The following SLC7A11 variants were observed in gnomAD, a reference collection of about 807,000 sequenced individuals.
The protein encoded by SLC7A11 is cystine/glutamate transporter.
Under a neutral mutation model 54.5 loss-of-function variants are expected in SLC7A11, and 35 were observed. The observed-to-expected ratio is 0.64, with a 90% CI of 0.49 to 0.85. SLC7A11 has a LOEUF of 0.85. Among genes scored for constraint, SLC7A11 ranks in the 40% least tolerant of loss-of-function variants. The pLI, the probability that SLC7A11 is intolerant of heterozygous loss-of-function variation, is 0.00. For missense variants in SLC7A11, 583 were observed against 618.1 expected (o/e 0.94, Z 0.60); for synonymous variants, 230 against 225.2 (o/e 1.02, Z -0.19).
intron 5 of SLC7A11, among the ~76,000 whole-genome samples, chr4:138,216,214 A>G (rs1354529247): frequency 6.6e-6 from 1 of 152,206 alleles, no homozygotes; most frequent in Non-Finnish European, 1.5e-5. Context: ...AATGCATTCC[A>G]ATACCCAACT....
At position 138,185,255 on chromosome 4, in the gene SLC7A11, C is replaced by T. The variant is rs1736847819; in HGVS notation, c.792-11G>A. 1 of 1,611,704 alleles carries T rather than the reference C, an allele frequency of 6.2e-7. No individual in the cohort carries two copies. The highest frequency in any genetic ancestry group is 1.3e-5 in the African/African-American group (1 of 74,920). On this transcript the variant is annotated splice_polypyrimidine_tract_variant and intron_variant, in intron 6 of 11. Transcript: ENST00000280612. ...GCAAGGGGAATGGTTCTGAAATGCA[C>T]AAAGGAATCACTTATTCATTATCTT...
Position 138,242,001 on chromosome 4 carries a change from C to A in SLC7A11, c.69G>T (p.Arg23Ser). The A allele has an allele frequency of 6.2e-7, 1 of 1,614,200 alleles. No homozygotes were observed. The highest frequency in any genetic ancestry group is 8.5e-7 in the Non-Finnish European group (1 of 1,180,034). ...GGYLQGNVNG[R>S]LPSLGNKEPP... ...GCTCCTTGTTGCCCAGGGAAGGCAGCCTCCCGTTAACATTTCCCTGCAGGT... is the reference window on the plus strand; with the variant it reads ...GCTCCTTGTTGCCCAGGGAAGGCAGACTCCCGTTAACATTTCCCTGCAGGT... The change falls in exon 1 of 12, where the codon AGG becomes AGT. Residue 23 changes from arginine (R) to serine (S), a missense_variant. Physicochemically the swap from Arg to Ser is moderately radical, Grantham distance 110 (BLOSUM62 -1). Transcript: ENST00000280612.
At chr4:138,226,845 G>A (rs1737959905) in intron 3 of SLC7A11, among the ~76,000 whole-genome samples, 1 of 152,138 alleles carries the variant, frequency 6.6e-6, no homozygotes, top group African/African-American at 2.4e-5. Context: ...TTTCACACAT[G>A]AGGAAATAAT....
chr4:138,223,572 A>G (rs1340635930), intron 3 of SLC7A11, among the ~76,000 whole-genome samples: 1 of 152,174 alleles, frequency 6.6e-6, no homozygotes, highest in Non-Finnish European at 1.5e-5. Context: ...CTGGACAATA[A>G]GAATTCTTCT....
At chr4:138,213,350 C>T (rs1340317238) in intron 6 of SLC7A11, among the ~76,000 whole-genome samples, 1 of 151,998 alleles carries the variant, frequency 6.6e-6, no homozygotes, top group Non-Finnish European at 1.5e-5. Flanking sequence ...TGGTACTTGG[C>T]CAGATCTCAT....
intron 3 of SLC7A11, among the ~76,000 whole-genome samples, chr4:138,224,910 T>C (rs1578666423): frequency 6.6e-6 from 1 of 152,014 alleles, no homozygotes; most frequent in East Asian, 1.9e-4. Flanking sequence ...CAGGTGTTTA[T>C]AAGTGATAGA....
Position 138,170,303 on chromosome 4 carries a change from C to CATATATATAT in SLC7A11, c.*1643_*1652dup, listed in dbSNP as rs375433987. ...ACACACACACACACACATACACACA[C>CATATATATAT]ATATATATATATATATAATCTTTTT... On this transcript the variant is annotated 3_prime_UTR_variant, in exon 12 of 12. Transcript: ENST00000280612. 8.3e-6 allele frequency: 1 copy of CATATATATAT among 119,874 alleles called. No homozygotes were observed. Among genetic ancestry groups the CATATATATAT allele is most frequent in the Non-Finnish European group, 1.7e-5 (1 of 59,270 alleles). 7.4% of individuals were successfully genotyped at this position (119,874 alleles called of 1,614,324 possible). A position where few individuals can be genotyped will look rare whatever the true frequency, so the allele number is the denominator to read the frequency against.
At chr4:138,172,746 A>C (rs978417817) in intron 11 of SLC7A11, among the ~76,000 whole-genome samples, 7 of 152,206 alleles carry the variant, frequency 4.6e-5, no homozygotes, top group African/African-American at 1.7e-4. Flanking sequence ...CTTCAGAACC[A>C]TTGAGCTAGA....
At chr4:138,173,267 G>C (rs1736481652) in intron 11 of SLC7A11, among the ~76,000 whole-genome samples, 1 of 151,186 alleles carries the variant, frequency 6.6e-6, no homozygotes, top group African/African-American at 2.4e-5. Flanking sequence ...TCTGGACATA[G>C]AGTCTTTCTC....
chr4:138,179,752 A>T (rs1736674971), intron 10 of SLC7A11, among the ~76,000 whole-genome samples: 1 of 152,160 alleles, frequency 6.6e-6, no homozygotes, highest in Admixed American at 6.6e-5. Flanking sequence ...CTCTTTGATA[A>T]TTATGATTAG....
At chr4:138,204,158 T>C (rs1737352707) in intron 6 of SLC7A11, among the ~76,000 whole-genome samples, 1 of 152,126 alleles carries the variant, frequency 6.6e-6, no homozygotes, top group South Asian at 2.1e-4. Flanking sequence ...CAGCTTTGTT[T>C]TCCCAAAAAC....
chr4:138,204,376 G>T (rs1252334635), intron 6 of SLC7A11, among the ~76,000 whole-genome samples: 3 of 152,006 alleles, frequency 2.0e-5, no homozygotes, highest in Admixed American at 2.0e-4. Flanking sequence ...CAATCTACTT[G>T]TCAGAAAGCA....
intron 4 of SLC7A11, among the ~76,000 whole-genome samples, chr4:138,221,791 C>T (rs956887528): frequency 2.6e-5 from 4 of 152,130 alleles, no homozygotes; most frequent in African/African-American, 7.2e-5. Context: ...TAGTATCTTA[C>T]ATTACACCAA....
intron 6 of SLC7A11, among the ~76,000 whole-genome samples, chr4:138,199,662 ATAGAGCAGAACTAGCAC>A (rs759583225): frequency 3.9e-4 from 59 of 152,256 alleles, no homozygotes; most frequent in Admixed American, 1.1e-3. Flanking sequence ...AATGGCAGCA[ATAGAGCAGAACTAGCAC>A]TATCTTTTAG....
intron 2 of SLC7A11, 51 bp downstream of exon 2, chr4:138,236,274 A>G: frequency 6.6e-7 from 1 of 1,510,886 alleles, no homozygotes; most frequent in Middle Eastern, 1.8e-4. Context: ...AAGGTGATTC[A>G]TAAGAATGAA....
In SLC7A11 at chr4:138,229,919, C is replaced by A. The variant is rs557024952; in HGVS notation, c.520+2348G>T. ...AGAGCTCTCAAAAATGCCACCCCTG[C>A]TCTTCTCTTTTTTAAATATAATAAT... is the stretch of plus-strand genomic sequence containing the variant. On this transcript the variant is annotated intron_variant, in intron 3 of 11. Coordinates refer to ENST00000280612, the MANE Select transcript of SLC7A11 (RefSeq NM_014331.4). Among the ~76,000 whole-genome samples the A allele has an allele frequency of 3.9e-5, 6 of 152,222 alleles. No homozygotes were observed. The South Asian group carries it at 1.2e-3, about 32-fold the overall frequency.
chr4:138,215,679 T>C (rs1737663021), intron 5 of SLC7A11, among the ~76,000 whole-genome samples: 1 of 152,040 alleles, frequency 6.6e-6, no homozygotes, highest in African/African-American at 2.4e-5. Context: ...AGTACTTATA[T>C]CTGCAATATG....
At position 138,241,808 on chromosome 4, in the gene SLC7A11, C is replaced by G. The variant is rs775814990; in HGVS notation, c.262G>C (p.Val88Leu). ...TCGCACTCACCAAATAGTGACAGGACCCCACACACCGTCCAGATGGTCAGA... is the reference window on the plus strand; with the variant it reads ...TCGCACTCACCAAATAGTGACAGGAGCCCACACACCGTCCAGATGGTCAGA... ...MSLTIWTVCG[V>L]LSLFGALSYA... is the part of the protein sequence containing the mutation. Residue 88 changes from valine (V) to leucine (L), a missense_variant, in exon 1 of 12, where the codon GTC becomes CTC. Coordinates refer to ENST00000280612, the MANE Select transcript of SLC7A11 (RefSeq NM_014331.4). 6.2e-7 allele frequency: 1 copy of G among 1,613,698 alleles called. No homozygotes were observed. Among genetic ancestry groups the G allele is most frequent in the Non-Finnish European group, 8.5e-7 (1 of 1,179,702 alleles).
chr4:138,237,308 G>C (rs1052678017), intron 1 of SLC7A11, among the ~76,000 whole-genome samples: 1 of 151,494 alleles, frequency 6.6e-6, no homozygotes, highest in Non-Finnish European at 1.5e-5. Flanking sequence ...TAATTTGTAG[G>C]ATATATTTTG....
Sources: gnomAD v4.1 joint callset for allele counts (sites outside exome capture counted in the v4.1 genomes callset) on GRCh38, gnomAD v4.1.1 for gene constraint, MANE v1.5 for transcripts, NCBI Gene and HGNC (gene_info 2026-07-23, HGNC 2026-07-21) for gene names.